OR4Q3: variants seen among roughly 807,000 people sequenced by gnomAD.
The protein encoded by OR4Q3 is olfactory receptor family 4 subfamily Q member 3.
In OR4Q3, 17 loss-of-function variants were observed where a neutral mutation model predicts 18.8. The observed-to-expected ratio is 0.91, with a 90% confidence interval of 0.62 to 1.36. The LOEUF (loss-of-function observed/expected upper bound fraction) is 1.36. Ranked by LOEUF, OR4Q3 falls within the 40% of genes most tolerant of loss-of-function variation. The probability of loss-of-function intolerance (pLI) is 0.00; values close to 1 mark genes in which losing one functional copy is unlikely to be tolerated. For missense variants in OR4Q3, 378 were observed against 373.4 expected (o/e 1.01, Z -0.10); for synonymous variants, 158 against 145.8 (o/e 1.08, Z -0.60).
intron 1 of OR4Q3, 75 bp from the exon 2 acceptor site, chr14:19,747,331 A>G: frequency 1.5e-6 from 1 of 685,984 alleles, no homozygotes; most frequent in Non-Finnish European, 2.2e-6. Context: ...TTTATATATT[A>G]TATACTATAT....
chr14:19,749,200 A>G, exon 2 of OR4Q3: 9 of 152,282 alleles, frequency 5.9e-5, no homozygotes, highest in Non-Finnish European at 1.2e-4. Context: ...CATTTTTGAG[A>G]TGCTCACAGT....
chr14:19,744,215 G>A (rs1255118888), intron 1 of OR4Q3, among the ~76,000 whole-genome samples: 1 of 152,150 alleles, frequency 6.6e-6, no homozygotes, highest in Non-Finnish European at 1.5e-5. Flanking sequence ...TTGGTTTTCA[G>A]GAGAAATTTA....
At chr14:19,746,903 A>G in intron 1 of OR4Q3, among the ~76,000 whole-genome samples, 2 of 150,928 alleles carry the variant, frequency 1.3e-5, no homozygotes, top group Non-Finnish European at 3.0e-5. Flanking sequence ...ATCTTGAGAG[A>G]TTTAGTTTTT....
intron 1 of OR4Q3, among the ~76,000 whole-genome samples, chr14:19,746,908 G>GTT: frequency 3.3e-5 from 5 of 151,448 alleles, no homozygotes; most frequent in African/African-American, 7.3e-5. Context: ...GAGAGATTTA[G>GTT]TTTTTTTTAT....
downstream of OR4Q3, among the ~76,000 whole-genome samples, chr14:19,750,870 T>A: frequency 6.6e-6 from 1 of 152,236 alleles, no homozygotes; most frequent in Non-Finnish European, 1.5e-5. Flanking sequence ...TTTTCAGGGT[T>A]TTTTGCATAC....
At chr14:19,751,884 A>C, downstream of OR4Q3, among the ~76,000 whole-genome samples, 1 of 152,258 alleles carries the variant, frequency 6.6e-6, no homozygotes, top group East Asian at 1.9e-4. Context: ...AATTTCATTA[A>C]GTTGTTCTCT....
At chr14:19,750,015 A>T, downstream of OR4Q3, among the ~76,000 whole-genome samples, 3 of 133,346 alleles carry the variant, frequency 2.2e-5, no homozygotes, top group South Asian at 2.2e-4. Context: ...ACAGAGTCTC[A>T]CTCTTGTCTC....
intron 1 of OR4Q3, among the ~76,000 whole-genome samples, chr14:19,745,390 T>C: frequency 6.6e-6 from 1 of 152,194 alleles, no homozygotes; most frequent in Non-Finnish European, 1.5e-5. Context: ...CTTTTCTTTC[T>C]CAGCATATGT....
At chr14:19,750,152 T>C, downstream of OR4Q3, among the ~76,000 whole-genome samples, 1 of 152,064 alleles carries the variant, frequency 6.6e-6, no homozygotes, top group Non-Finnish European at 1.5e-5. Context: ...GCCTGGCTAA[T>C]TTTTGTATTT....
At chr14:19,747,813 A>G in exon 2 of OR4Q3, 3 of 1,613,836 alleles carry the variant, frequency 1.9e-6, no homozygotes, top group African/African-American at 2.7e-5. Flanking sequence ...GCCATCTGTA[A>G]CCCTTTGCGC....
At chr14:19,749,631 A>AAAAG, downstream of OR4Q3, among the ~76,000 whole-genome samples, 1 of 148,342 alleles carries the variant, frequency 6.7e-6, no homozygotes, top group Non-Finnish European at 1.5e-5. Context: ...AAAAAAAAAA[A>AAAAG]AAAGAAAGCA....
chr14:19,751,901 T>C, downstream of OR4Q3, among the ~76,000 whole-genome samples: 1 of 152,252 alleles, frequency 6.6e-6, no homozygotes, highest in East Asian at 1.9e-4. Context: ...CTCTAATTTT[T>C]GTTATTTCTT....
exon 2 of OR4Q3, chr14:19,747,791 G>A: frequency 6.2e-7 from 1 of 1,614,044 alleles, no homozygotes; most frequent in Non-Finnish European, 8.5e-7. Flanking sequence ...CATGGCCTAT[G>A]ACAGGTATGT....
intron 1 of OR4Q3, 101 bp downstream of exon 1, chr14:19,743,772 A>G (rs564321103): frequency 1.0e-3 from 153 of 151,770 alleles, no homozygotes; most frequent in African/African-American, 3.3e-3. Context: ...CTTTTTCTCT[A>G]TATACTCTGG....
chr14:19,745,431 T>C, intron 1 of OR4Q3, among the ~76,000 whole-genome samples: 19,242 of 149,426 alleles, frequency 0.13, 569 homozygotes, highest in South Asian at 0.23. Flanking sequence ...ACCATACACC[T>C]TTGGTATACT....
At chr14:19,749,037 C>G in exon 2 of OR4Q3, 1 of 152,434 alleles carries the variant, frequency 6.6e-6, no homozygotes, top group East Asian at 1.9e-4. Flanking sequence ...AGAGGCTTCT[C>G]AAGAAGAGGT....
At chr14:19,748,950 C>T in exon 2 of OR4Q3, 1 of 153,706 alleles carries the variant, frequency 6.5e-6, no homozygotes, top group Non-Finnish European at 1.4e-5. Flanking sequence ...TGAACATATG[C>T]TCTTAACAAA....
intron 1 of OR4Q3, among the ~76,000 whole-genome samples, chr14:19,746,882 G>C: frequency 6.6e-6 from 1 of 152,132 alleles, no homozygotes; most frequent in East Asian, 1.9e-4. Flanking sequence ...AGATGAGTAA[G>C]ATATTTCCTC....
chr14:19,749,604 C>CAAGAAAAAAAA, downstream of OR4Q3: 1 of 34,570 alleles, frequency 2.9e-5, no homozygotes. Flanking sequence ...GGTCTCAAAG[C>CAAGAAAAAAAA]AAAAAAAAAA....
Sources: allele counts gnomAD v4.1 joint callset (sites outside exome capture counted in the v4.1 genomes callset), GRCh38; gene constraint gnomAD v4.1.1; transcripts MANE v1.5; gene names NCBI Gene and HGNC (gene_info 2026-07-23, HGNC 2026-07-21).